CCDC3: variants seen among roughly 807,000 people sequenced by gnomAD.
CCDC3 encodes coiled-coil domain-containing protein 3.
CCDC3 carries 24 observed loss-of-function variants against 21.4 expected under a neutral mutation model. The observed-to-expected ratio is 1.12, with a 90% CI of 0.81 to 1.58. CCDC3 has a LOEUF of 1.58. Among genes scored for constraint, CCDC3 ranks in the 40% most tolerant of loss-of-function variants. The pLI is 0.00. For synonymous variants in CCDC3, 186 were observed against 166.0 expected (o/e 1.12, Z -0.93); for missense variants, 425 against 360.9 (o/e 1.18, Z -1.44).
intron 2 of CCDC3, among the ~76,000 whole-genome samples, chr10:12,989,623 T>G (rs1366439606): frequency 6.6e-6 from 1 of 152,090 alleles, no homozygotes; most frequent in African/African-American, 2.4e-5. Flanking sequence ...GGTTTCACCA[T>G]GTTGGCCAGG....
At chr10:12,927,657 T>C (rs941632762) in intron 2 of CCDC3, among the ~76,000 whole-genome samples, 1 of 152,154 alleles carries the variant, frequency 6.6e-6, no homozygotes, top group Non-Finnish European at 1.5e-5. Context: ...TAAAAAGCAA[T>C]AATGTAGACG....
At position 13,030,237 on chromosome 10, in the gene CCDC3, A is replaced by C. The variant is rs575768062; in HGVS notation, c.-2+19437T>G. Among the ~76,000 whole-genome samples the C allele has an allele frequency of 3.3e-5, 5 of 152,326 alleles. No individual in the cohort carries two copies. In the South Asian group the frequency reaches 1.0e-3, roughly 32 times the overall value. ...CAACCCAGAATTTCATATCCAGTCA[A>C]ACTAAGCTTCATAAGTGAAGGAGAA... On this transcript the variant is annotated intron_variant, in intron 5 of 6. Coordinates refer to the CCDC3 transcript ENST00000378839.
chr10:12,966,278 G>GGTGCTC (rs1385201578), intron 2 of CCDC3, among the ~76,000 whole-genome samples: 3 of 151,878 alleles, frequency 2.0e-5, no homozygotes, highest in African/African-American at 2.4e-5. Flanking sequence ...ATTACTATAT[G>GGTGCTC]AGCAAGGTTG....
chr10:12,989,510 C>T (rs1280554024), intron 2 of CCDC3, among the ~76,000 whole-genome samples: 3 of 152,234 alleles, frequency 2.0e-5, no homozygotes, highest in African/African-American at 7.2e-5. Context: ...CAAACTCCAC[C>T]TCCCGGGTTC....
At chr10:13,087,813 G>A (rs532157680) in intron 3 of CCDC3, among the ~76,000 whole-genome samples, 23 of 151,902 alleles carry the variant, frequency 1.5e-4, no homozygotes, top group Admixed American at 3.3e-4. Context: ...GGGCTGGAAT[G>A]CTTTTCTACA....
intron 4 of CCDC3, chr10:13,057,935 C>T: frequency 1.7e-6 from 1 of 581,768 alleles, no homozygotes; most frequent in South Asian, 1.8e-5. Flanking sequence ...TGGATTCTCT[C>T]ATATAGCAGC....
intron 2 of CCDC3, among the ~76,000 whole-genome samples, chr10:12,927,328 C>T (rs1201157003): frequency 6.6e-6 from 1 of 152,170 alleles, no homozygotes; most frequent in East Asian, 1.9e-4. Flanking sequence ...ACATCTCTAG[C>T]TGATAACATT....
intron 4 of CCDC3, among the ~76,000 whole-genome samples, chr10:13,062,959 C>T (rs896035874): frequency 1.1e-5 from 1 of 91,174 alleles, no homozygotes; most frequent in Admixed American, 1.2e-4. Flanking sequence ...AGACAGCTGA[C>T]TCACGGCCAT....
At chr10:12,924,428 G>A (rs554837823) in intron 2 of CCDC3, among the ~76,000 whole-genome samples, 11 of 152,314 alleles carry the variant, frequency 7.2e-5, no homozygotes, top group East Asian at 5.8e-4. Flanking sequence ...GCGAATATTC[G>A]TTGCCAAAAC....
chr10:13,007,333 G>C (rs1293193959), intron 5 of CCDC3, among the ~76,000 whole-genome samples: 2 of 152,126 alleles, frequency 1.3e-5, no homozygotes, highest in East Asian at 3.9e-4. Context: ...ATCTCAGCCA[G>C]CATGGAATTC....
At chr10:12,946,461 C>A (rs1834917892) in intron 2 of CCDC3, among the ~76,000 whole-genome samples, 1 of 152,062 alleles carries the variant, frequency 6.6e-6, no homozygotes, top group Non-Finnish European at 1.5e-5. Flanking sequence ...ATAGCCAGGT[C>A]TCAGCAAATC....
chr10:13,090,509 A>G (rs530791630), intron 3 of CCDC3, among the ~76,000 whole-genome samples: 1 of 152,230 alleles, frequency 6.6e-6, no homozygotes, highest in Non-Finnish European at 1.5e-5. Flanking sequence ...GACTAAGTCC[A>G]TATTTCCAAG....
In CCDC3 at chr10:12,898,458, G is replaced by C. The variant is rs758296205; in HGVS notation, c.771C>G (p.Ile257Met). The C allele has an allele frequency of 6.8e-6, 11 of 1,611,010 alleles. No individual in the cohort carries two copies. The highest frequency in any genetic ancestry group is 9.3e-6 in the Non-Finnish European group (11 of 1,178,284). The change falls in exon 3 of 3, where the codon ATC becomes ATG. Residue 257 changes from isoleucine (I) to methionine (M), a missense_variant. Transcript: ENST00000378825. ...EKLAAGALPH[I>M]NARGPVRPPY... is the part of the protein sequence containing the mutation. ...GGGGGCGCACGGGCCCCCGGGCATT[G>C]ATGTGCGGCAGCGCGCCCGCCGCCA... is the stretch of plus-strand genomic sequence containing the variant.
intron 5 of CCDC3, among the ~76,000 whole-genome samples, chr10:13,008,360 G>A (rs1470885451): frequency 6.6e-6 from 1 of 152,198 alleles, no homozygotes; most frequent in African/African-American, 2.4e-5. Context: ...AAGCCAGGGA[G>A]TCAGAGGCCA....
At chr10:12,924,097 C>G (rs979432074) in intron 2 of CCDC3, among the ~76,000 whole-genome samples, 1 of 152,202 alleles carries the variant, frequency 6.6e-6, no homozygotes, top group African/African-American at 2.4e-5. Flanking sequence ...GCTTTAAGCA[C>G]CTACTATCAT....
chr10:13,034,354 A>T (rs1270488335), intron 5 of CCDC3, among the ~76,000 whole-genome samples: 2 of 65,664 alleles, frequency 3.0e-5, no homozygotes, highest in South Asian at 6.6e-4. Context: ...GGGTGGGGGG[A>T]GGGGCGAGGG....
intron 2 of CCDC3, among the ~76,000 whole-genome samples, chr10:12,927,473 C>T (rs1273025205): frequency 6.6e-6 from 1 of 151,972 alleles, no homozygotes; most frequent in African/African-American, 2.4e-5. Flanking sequence ...AATATAAGGC[C>T]CATATATTAC....
chr10:13,069,106 T>G (rs988546016), intron 4 of CCDC3, among the ~76,000 whole-genome samples: 1 of 152,102 alleles, frequency 6.6e-6, no homozygotes, highest in African/African-American at 2.4e-5. Context: ...AAATACAAAA[T>G]TAGCTGGGCG....
rs142701546 is a variant in CCDC3 at position 12,951,942 on chromosome 10, A to G, written c.549+46396T>C. ...ACTCCTCTTTTTATGTCTCTTGTGC[A>G]TTCACCTTCCAAGAAACTCAGTCCC... On this transcript the variant is annotated intron_variant, in intron 2 of 2. Coordinates refer to ENST00000378825, the MANE Select transcript of CCDC3 (RefSeq NM_031455.4). 3.2e-3 allele frequency among the ~76,000 whole-genome samples: 485 copies of G among 151,948 alleles called. 14 individuals are homozygous for G. The East Asian group carries it at 0.058, about 18-fold the overall frequency.
Sources: gnomAD v4.1 joint callset for allele counts (sites outside exome capture counted in the v4.1 genomes callset) on GRCh38, gnomAD v4.1.1 for gene constraint, MANE v1.5 for transcripts, NCBI Gene and HGNC (gene_info 2026-07-23, HGNC 2026-07-21) for gene names.